Variants in CSMD1 observed in about 807,000 individuals in gnomAD.
CSMD1 encodes the protein CUB and Sushi multiple domains 1, also known as CUB and sushi domain-containing protein 1.
A neutral mutation model predicts 417.5 loss-of-function variants in CSMD1; 213 were observed. The observed-to-expected ratio is 0.51, with a 90% CI of 0.46 to 0.57. The LOEUF (loss-of-function observed/expected upper bound fraction) is 0.57. Ranked by LOEUF, CSMD1 falls within the 20% of genes least tolerant of loss-of-function variation. CSMD1 has a pLI of 0.00. For missense variants in CSMD1, 6,923 were observed against 4,529.7 expected, an observed-to-expected ratio of 1.53 and a Z score of -15.17; for synonymous variants, 2,862 against 1,736.8, an observed-to-expected ratio of 1.65 and a Z score of -16.11.
At chr8:3,137,388 AG>A (rs1418386338) in intron 41 of CSMD1, among the ~76,000 whole-genome samples, 2 of 152,242 alleles carry the variant, frequency 1.3e-5, no homozygotes, top group Non-Finnish European at 2.9e-5. Flanking sequence ...CCTTAGCATC[AG>A]GGGGAATAAA....
intron 23 of CSMD1, among the ~76,000 whole-genome samples, chr8:3,338,118 C>T (rs543133038): frequency 6.6e-6 from 1 of 152,180 alleles, no homozygotes; most frequent in Admixed American, 6.5e-5. Flanking sequence ...AAAGGACCCC[C>T]TTGAGGAGTC....
intron 26 of CSMD1, among the ~76,000 whole-genome samples, chr8:3,280,511 G>C (rs917777414): frequency 2.0e-4 from 31 of 152,092 alleles, no homozygotes; most frequent in African/African-American, 7.2e-4. Flanking sequence ...AAATGCCTCA[G>C]AGTCAATGTT....
At chr8:3,573,067 GTAAA>G (rs1432072833) in intron 10 of CSMD1, among the ~76,000 whole-genome samples, 5 of 152,094 alleles carry the variant, frequency 3.3e-5, no homozygotes, top group African/African-American at 9.7e-5. Context: ...AGATGGCTTA[GTAAA>G]TAGTTAACAA....
At chr8:3,984,779 G>A (rs1814193624) in intron 5 of CSMD1, among the ~76,000 whole-genome samples, 1 of 145,424 alleles carries the variant, frequency 6.9e-6, no homozygotes, top group Non-Finnish European at 1.5e-5. Flanking sequence ...GTGTGTGTGT[G>A]TGTGTGGGTG....
intron 7 of CSMD1, among the ~76,000 whole-genome samples, chr8:3,644,848 G>C (rs1178317044): frequency 6.6e-6 from 1 of 150,694 alleles, no homozygotes; most frequent in Non-Finnish European, 1.5e-5. Context: ...GGTAACCTTC[G>C]TTTCCTAAGA....
chr8:4,298,634 T>C (rs1054948169), intron 3 of CSMD1, among the ~76,000 whole-genome samples: 7 of 152,144 alleles, frequency 4.6e-5, no homozygotes, highest in Non-Finnish European at 8.8e-5. Context: ...TTATAGAACA[T>C]CACAATTTAG....
intron 8 of CSMD1, among the ~76,000 whole-genome samples, chr8:3,588,068 T>A (rs149596331): frequency 1.8e-4 from 27 of 151,162 alleles, no homozygotes; most frequent in African/African-American, 5.7e-4. Context: ...TTAAACCTCA[T>A]TTAAGAAATT....
intron 1 of CSMD1, among the ~76,000 whole-genome samples, chr8:4,661,955 TAC>T (rs1456739143): frequency 6.6e-6 from 1 of 152,158 alleles, no homozygotes; most frequent in Non-Finnish European, 1.5e-5. Flanking sequence ...TCTACATAGT[TAC>T]AGAGTTATTA....
chr8:4,158,309 G>A (rs1455148902), intron 3 of CSMD1, among the ~76,000 whole-genome samples: 2 of 151,958 alleles, frequency 1.3e-5, no homozygotes, highest in African/African-American at 4.8e-5. Flanking sequence ...AGCCCTTGGA[G>A]GAAGGATGCA....
chr8:4,523,154 T>C (rs956319743), intron 2 of CSMD1, among the ~76,000 whole-genome samples: 9 of 152,208 alleles, frequency 5.9e-5, no homozygotes, highest in Non-Finnish European at 1.2e-4. Flanking sequence ...TTTTTGCTAA[T>C]GGTAATGATC....
At position 3,029,309 on chromosome 8, in the gene CSMD1, C is replaced by T; in HGVS notation, c.7855+10G>A. 6.3e-7 allele frequency: 1 copy of T among 1,594,150 alleles called. No individual in the cohort carries two copies. The highest frequency in any genetic ancestry group is 1.1e-5 in the South Asian group (1 of 88,688). ...CCGTGACTTTCAGGGGTGCCTCCCT[C>T]ATCACTTACCTCGACAGCTTGGCCT... On this transcript the variant is annotated intron_variant, in intron 51 of 69. Transcript: ENST00000635120.
At chr8:3,532,144 A>C (rs1057159205) in intron 10 of CSMD1, among the ~76,000 whole-genome samples, 1 of 152,272 alleles carries the variant, frequency 6.6e-6, no homozygotes, top group East Asian at 1.9e-4. Context: ...CTGGAGTAGA[A>C]AGGTGTTCGC....
chr8:3,209,557 G>C (rs1294127334), intron 30 of CSMD1, among the ~76,000 whole-genome samples: 1 of 152,056 alleles, frequency 6.6e-6, no homozygotes, highest in Non-Finnish European at 1.5e-5. Flanking sequence ...CTGACCTTGT[G>C]ATCCGCCTGC....
chr8:3,948,507 C>G (rs1032663664), intron 5 of CSMD1, among the ~76,000 whole-genome samples: 10 of 152,014 alleles, frequency 6.6e-5, no homozygotes, highest in African/African-American at 2.2e-4. Flanking sequence ...AATAGTTTGT[C>G]TTCTTATATT....
chr8:3,840,048 G>T (rs963101363), intron 5 of CSMD1, among the ~76,000 whole-genome samples: 2 of 151,940 alleles, frequency 1.3e-5, no homozygotes, highest in African/African-American at 2.4e-5. Context: ...GAATCCTCTG[G>T]GTTGATTTTT....
At chr8:4,060,242 A>G (rs1177672235) in intron 3 of CSMD1, among the ~76,000 whole-genome samples, 1 of 39,746 alleles carries the variant, frequency 2.5e-5, no homozygotes, top group Admixed American at 5.0e-4. Flanking sequence ...AAAATTCAAC[A>G]ACCCTTCATG....
chr8:4,773,535 G>T (rs190241930), intron 1 of CSMD1, among the ~76,000 whole-genome samples: 1 of 152,114 alleles, frequency 6.6e-6, no homozygotes, highest in Non-Finnish European at 1.5e-5. Context: ...TTATGATTCA[G>T]TTGAAAGAAA....
chr8:3,394,004 A>ATAATAATAAAAT (rs33927495), intron 17 of CSMD1, among the ~76,000 whole-genome samples: 1 of 32,064 alleles, frequency 3.1e-5, no homozygotes, highest in Non-Finnish European at 5.5e-5. Context: ...TAATAATAAA[A>ATAATAATAAAAT]AAATAAATTA....
chr8:4,816,136 G>C (rs932536053), intron 1 of CSMD1, among the ~76,000 whole-genome samples: 3 of 152,122 alleles, frequency 2.0e-5, no homozygotes, highest in Non-Finnish European at 2.9e-5. Flanking sequence ...CTTCAAGTTT[G>C]TCTGAGGCTT....
Sources: gnomAD v4.1 joint callset for allele counts (sites outside exome capture counted in the v4.1 genomes callset) on GRCh38, gnomAD v4.1.1 for gene constraint, MANE v1.5 for transcripts, NCBI Gene and HGNC (gene_info 2026-07-23, HGNC 2026-07-21) for gene names.